The following CSMD1 variants were observed in gnomAD, a reference collection of about 807,000 sequenced individuals.
CSMD1 encodes CUB and Sushi multiple domains 1, also known as CUB and sushi domain-containing protein 1.
In CSMD1, 213 loss-of-function variants were observed where a neutral mutation model predicts 417.5. The ratio of observed to expected loss-of-function variants is 0.51; its 90% confidence interval spans 0.46 to 0.57. The LOEUF (loss-of-function observed/expected upper bound fraction) is 0.57, where lower values mean the gene tolerates loss of function less well. Ranked by LOEUF, CSMD1 falls within the 20% of genes least tolerant of loss-of-function variation. The pLI, the probability that CSMD1 is intolerant of heterozygous loss-of-function variation, is 0.00. For synonymous variants in CSMD1, 2,862 were observed against 1,736.8 expected, an observed-to-expected ratio of 1.65 and a Z score of -16.11; for missense variants, 6,923 against 4,529.7, an observed-to-expected ratio of 1.53 and a Z score of -15.17.
intron 1 of CSMD1, among the ~76,000 whole-genome samples, chr8:4,829,138 A>G (rs1309136483): frequency 2.0e-5 from 3 of 152,196 alleles, no homozygotes; most frequent in Admixed American, 6.5e-5. Flanking sequence ...CTTTTGGTTT[A>G]TGATTGATCC....
At chr8:4,718,259 G>C (rs922141386) in intron 1 of CSMD1, among the ~76,000 whole-genome samples, 2 of 152,128 alleles carry the variant, frequency 1.3e-5, no homozygotes, top group East Asian at 3.9e-4. Context: ...TTACAGGTGT[G>C]AGCCACCATG....
At chr8:4,587,247 C>A (rs1195383720) in intron 2 of CSMD1, among the ~76,000 whole-genome samples, 5 of 152,050 alleles carry the variant, frequency 3.3e-5, no homozygotes, top group Non-Finnish European at 7.4e-5. Context: ...TTGTTTTACA[C>A]TGAAATGAGT....
chr8:4,588,799 C>CACACACACACACACACAG (rs1263978091), intron 2 of CSMD1, among the ~76,000 whole-genome samples: 2 of 151,692 alleles, frequency 1.3e-5, no homozygotes, highest in Non-Finnish European at 2.9e-5. Flanking sequence ...CACACACACA[C>CACACACACACACACACAG]ACACACAAAA....
intron 9 of CSMD1, among the ~76,000 whole-genome samples, chr8:3,584,211 G>A (rs1178057958): frequency 6.6e-6 from 1 of 152,102 alleles, no homozygotes; most frequent in Non-Finnish European, 1.5e-5. Flanking sequence ...GCAGAACGAG[G>A]GAATCATCAG....
At chr8:3,948,012 C>G (rs1004928780) in intron 5 of CSMD1, among the ~76,000 whole-genome samples, 1 of 152,088 alleles carries the variant, frequency 6.6e-6, no homozygotes, top group African/African-American at 2.4e-5. Flanking sequence ...TCGAGACCAG[C>G]CTGGCCAACA....
chr8:3,911,333 C>G (rs1261309809), intron 5 of CSMD1, among the ~76,000 whole-genome samples: 8 of 151,054 alleles, frequency 5.3e-5, no homozygotes, highest in Non-Finnish European at 1.0e-4. Context: ...GGCTATATAT[C>G]CTAGCTAACA....
intron 1 of CSMD1, among the ~76,000 whole-genome samples, chr8:4,914,120 G>A (rs1388241467): frequency 6.6e-6 from 1 of 151,988 alleles, no homozygotes; most frequent in Non-Finnish European, 1.5e-5. Flanking sequence ...TTTGTGTTGA[G>A]CTCCCTACAC....
At chr8:3,329,172 G>C (rs1806730485) in intron 23 of CSMD1, among the ~76,000 whole-genome samples, 1 of 152,146 alleles carries the variant, frequency 6.6e-6, no homozygotes, top group African/African-American at 2.4e-5. Context: ...TAGCACTCAA[G>C]AGGGCATTGA....
At chr8:3,160,746 G>T (rs1177327926) in intron 38 of CSMD1, among the ~76,000 whole-genome samples, 1 of 152,186 alleles carries the variant, frequency 6.6e-6, no homozygotes, top group Non-Finnish European at 1.5e-5. Context: ...TTATTTCACA[G>T]ATATTTTCTC....
At chr8:3,098,132 T>C (rs966536608) in intron 46 of CSMD1, among the ~76,000 whole-genome samples, 4 of 152,214 alleles carry the variant, frequency 2.6e-5, no homozygotes, top group Non-Finnish European at 5.9e-5. Context: ...AAGGGAAATT[T>C]TTTTCTATTA....
intron 29 of CSMD1, among the ~76,000 whole-genome samples, chr8:3,216,520 A>G (rs1336189912): frequency 6.6e-6 from 1 of 152,196 alleles, no homozygotes; most frequent in Non-Finnish European, 1.5e-5. Flanking sequence ...GTTTGATTAA[A>G]TATCACCTAC....
At chr8:4,293,585 G>C (rs772465326) in intron 3 of CSMD1, among the ~76,000 whole-genome samples, 5 of 152,038 alleles carry the variant, frequency 3.3e-5, no homozygotes, top group Non-Finnish European at 7.4e-5. Context: ...CAATAAAAGA[G>C]CTCATCTCAT....
At chr8:4,062,734 CAA>C (rs531872636) in intron 3 of CSMD1, among the ~76,000 whole-genome samples, 6 of 131,520 alleles carry the variant, frequency 4.6e-5, no homozygotes, top group African/African-American at 8.4e-5. Context: ...TTATCAAATT[CAA>C]AAAAAAAAAA....
At chr8:4,229,927 G>A (rs987152395) in intron 3 of CSMD1, among the ~76,000 whole-genome samples, 1 of 152,178 alleles carries the variant, frequency 6.6e-6, no homozygotes, top group Non-Finnish European at 1.5e-5. Context: ...TTGATTGAGT[G>A]AATATCTTAC....
intron 5 of CSMD1, among the ~76,000 whole-genome samples, chr8:3,795,807 T>C (rs537733774): frequency 1.5e-5 from 1 of 65,782 alleles, no homozygotes; most frequent in Non-Finnish European, 2.9e-5. Flanking sequence ...ATACCTATCA[T>C]GTACAGATAT....
chr8:2,973,234 A>T lies in CSMD1; in HGVS notation c.8806T>A (p.Phe2936Ile). 6.2e-7 allele frequency: 1 copy of T among 1,614,010 alleles called. No individual in the cohort carries two copies. The highest frequency in any genetic ancestry group is 2.2e-5 in the East Asian group (1 of 44,882). Residue 2936 changes from phenylalanine (F) to isoleucine (I), a missense_variant, in exon 57 of 70, where the codon TTT becomes ATT. Transcript: ENST00000635120. The part of the protein sequence containing the change: ...PAHGSRLGDD[F>I]KTKSLLRFSC... Reference sequence around the variant, plus strand: ...AAGCGGAGAAGACTCTTTGTCTTAAAGTCATCACCAAGCCGAGACCCATGT... The same window carrying T: ...AAGCGGAGAAGACTCTTTGTCTTAATGTCATCACCAAGCCGAGACCCATGT...
intron 26 of CSMD1, among the ~76,000 whole-genome samples, chr8:3,242,552 T>G (rs552775028): frequency 6.6e-6 from 1 of 152,132 alleles, no homozygotes; most frequent in African/African-American, 2.4e-5. Context: ...TCTGACTATT[T>G]GGAACCACTG....
intron 1 of CSMD1, among the ~76,000 whole-genome samples, chr8:4,821,125 C>G (rs1037089621): frequency 6.6e-6 from 1 of 152,152 alleles, no homozygotes; most frequent in Non-Finnish European, 1.5e-5. Context: ...TCGGTTGTAT[C>G]AGGCAAGACG....
chr8:3,551,975 T>C lies in CSMD1; in HGVS notation c.1344+22970A>G, dbSNP rs181271454. 1.1e-4 allele frequency among the ~76,000 whole-genome samples: 17 copies of C among 152,280 alleles called. No individual in the cohort carries two copies. In the East Asian group the frequency reaches 1.4e-3, roughly 12 times the overall value. On this transcript the variant is annotated intron_variant, in intron 10 of 69. Coordinates refer to ENST00000635120, the MANE Select transcript of CSMD1 (RefSeq NM_033225.6). Reference sequence around the variant, plus strand: ...TGCCACTGTGGGAGCTGAGGACTGATAGGGATCTCACAGTGGCAGAAACAG... The same window carrying C: ...TGCCACTGTGGGAGCTGAGGACTGACAGGGATCTCACAGTGGCAGAAACAG...
Sources: allele counts gnomAD v4.1 joint callset (sites outside exome capture counted in the v4.1 genomes callset), GRCh38; gene constraint gnomAD v4.1.1; transcripts MANE v1.5; gene names NCBI Gene and HGNC (gene_info 2026-07-23, HGNC 2026-07-21).